PIP5K1B: variants seen among roughly 807,000 people sequenced by gnomAD.
The protein encoded by PIP5K1B is phosphatidylinositol-4-phosphate 5-kinase type 1 beta.
Under a neutral mutation model 67.0 loss-of-function variants are expected in PIP5K1B, and 42 were observed. The observed-to-expected ratio is 0.63, with a 90% CI of 0.49 to 0.81. The LOEUF (loss-of-function observed/expected upper bound fraction) is 0.81. Among genes scored for constraint, PIP5K1B ranks in the 30% least tolerant of loss-of-function variants. The pLI, the probability that PIP5K1B is intolerant of heterozygous loss-of-function variation, is 0.00. For synonymous variants in PIP5K1B, 214 were observed against 231.4 expected, an observed-to-expected ratio of 0.92 and a Z score of 0.68; for missense variants, 459 against 646.3, an observed-to-expected ratio of 0.71 and a Z score of 3.14.
intron 15 of PIP5K1B, among the ~76,000 whole-genome samples, chr9:68,994,587 A>G (rs1265946636): frequency 6.6e-6 from 1 of 152,154 alleles, no homozygotes; most frequent in African/African-American, 2.4e-5. Context: ...TCCATCGTAC[A>G]TCCATGAAAG....
chr9:68,953,125 T>C (rs529716960), intron 14 of PIP5K1B, among the ~76,000 whole-genome samples: 1 of 152,270 alleles, frequency 6.6e-6, no homozygotes, highest in South Asian at 2.1e-4. Context: ...CCTGGATTTG[T>C]CTTCCAATTT....
rs536755366 is a variant in PIP5K1B at position 68,808,198 on chromosome 9, AAAAAC to A, written c.-85-10248_-85-10244del. ...GGGTGACAGAGCAAGATTCTGTCTC[AAAAAC>A]AAAACAAAACAAAAGGGGAAGAAAA... On this transcript the variant is annotated intron_variant, in intron 2 of 15. Transcript: ENST00000265382. 4.6e-5 allele frequency among the ~76,000 whole-genome samples: 7 copies of A among 152,328 alleles called. No homozygotes were observed. The East Asian group carries it at 7.7e-4, about 17-fold the overall frequency.
At chr9:68,901,706 G>A (rs142104302) in intron 8 of PIP5K1B, among the ~76,000 whole-genome samples, 6 of 152,168 alleles carry the variant, frequency 3.9e-5, no homozygotes, top group Non-Finnish European at 8.8e-5. Context: ...GTTAAAGTTG[G>A]TGAACAAATA....
At chr9:68,731,677 A>G (rs933346078) in intron 1 of PIP5K1B, among the ~76,000 whole-genome samples, 5 of 152,168 alleles carry the variant, frequency 3.3e-5, no homozygotes, top group African/African-American at 1.2e-4. Context: ...AAAGGTGGTA[A>G]AAGTACTGAA....
chr9:68,733,627 CTTTTTTTTTTTTTT>C lies in PIP5K1B; in HGVS notation c.-242-8857_-242-8844del, dbSNP rs35759487. Among the ~76,000 whole-genome samples, 13 of 56,468 alleles carry C rather than the reference CTTTTTTTTTTTTTT, an allele frequency of 2.3e-4. 1 individual carries two copies. Among genetic ancestry groups the C allele is most frequent in the South Asian group, 8.7e-4 (1 of 1,154 alleles). The allele number at this position is 56,468 out of a possible 152,430, so 37.0% of individuals were successfully genotyped here. On this transcript the variant is annotated intron_variant, in intron 1 of 15. Coordinates refer to ENST00000265382, the MANE Select transcript of PIP5K1B (RefSeq NM_003558.4). ...CCCCACTTATTGAAATACTTAGACT[CTTTTTTTTTTTTTT>C]TTTTTTTTTTTTTTTTGAGATGGAG...
chr9:68,818,855 A>G (rs1468556993), intron 3 of PIP5K1B, among the ~76,000 whole-genome samples: 1 of 152,198 alleles, frequency 6.6e-6, no homozygotes, highest in African/African-American at 2.4e-5. Context: ...GAATACTTGG[A>G]GAATCTAACA....
Position 68,887,051 on chromosome 9 carries a change from T to G in PIP5K1B, c.319-1930T>G, listed in dbSNP as rs1824514120. ...GATAGCCATGTGGCTTGCTGCCTGGTCTCAACCTCTGCTCCAATGTCACCT... is the reference window on the plus strand; with the variant it reads ...GATAGCCATGTGGCTTGCTGCCTGGGCTCAACCTCTGCTCCAATGTCACCT... On this transcript the variant is annotated intron_variant, in intron 6 of 15. Transcript: ENST00000265382. 1.3e-5 allele frequency among the ~76,000 whole-genome samples: 2 copies of G among 152,320 alleles called. 1 individual carries two copies. Among genetic ancestry groups the G allele is most frequent in the South Asian group, 4.1e-4 (2 of 4,822 alleles).
At chr9:68,996,259 A>G (rs1291731405) in intron 15 of PIP5K1B, among the ~76,000 whole-genome samples, 1 of 152,206 alleles carries the variant, frequency 6.6e-6, no homozygotes. Context: ...ATGAAATTAA[A>G]AAGGATTGGT....
At chr9:68,718,096 A>G (rs1564085455) in intron 1 of PIP5K1B, among the ~76,000 whole-genome samples, 2 of 152,232 alleles carry the variant, frequency 1.3e-5, no homozygotes, top group African/African-American at 4.8e-5. Flanking sequence ...AGGACTCCAC[A>G]TATAGTGCTC....
chr9:68,776,449 G>A (rs1830920970), intron 2 of PIP5K1B, among the ~76,000 whole-genome samples: 1 of 151,848 alleles, frequency 6.6e-6, no homozygotes, highest in Admixed American at 6.6e-5. Flanking sequence ...CCCAATTCTA[G>A]ATATTGTTAT....
chr9:68,725,376 T>G (rs569132015), intron 1 of PIP5K1B, among the ~76,000 whole-genome samples: 179 of 152,354 alleles, frequency 1.2e-3, no homozygotes, highest in African/African-American at 4.1e-3. Context: ...ATCTAGCCAC[T>G]GGCTCCTGAC....
At chr9:68,973,176 A>G (rs186589419) in intron 14 of PIP5K1B, among the ~76,000 whole-genome samples, 1 of 152,338 alleles carries the variant, frequency 6.6e-6, no homozygotes, top group East Asian at 1.9e-4. Context: ...GCAACAGCTC[A>G]GACGTAATAC....
At chr9:68,926,924 T>C (rs993176959) in intron 12 of PIP5K1B, among the ~76,000 whole-genome samples, 2 of 152,076 alleles carry the variant, frequency 1.3e-5, no homozygotes, top group East Asian at 3.9e-4. Flanking sequence ...CCATACCCAT[T>C]AGCAGTCACT....
At chr9:68,884,786 T>C (rs1012264702) in intron 6 of PIP5K1B, among the ~76,000 whole-genome samples, 28 of 152,164 alleles carry the variant, frequency 1.8e-4, no homozygotes, top group African/African-American at 6.8e-4. Flanking sequence ...GAATGGCTGT[T>C]ATCAAAAAAG....
At chr9:68,817,154 G>A (rs1385238587) in intron 2 of PIP5K1B, among the ~76,000 whole-genome samples, 1 of 152,188 alleles carries the variant, frequency 6.6e-6, no homozygotes, top group African/African-American at 2.4e-5. Context: ...AATCAGCCCC[G>A]TTAGTAGTGA....
chr9:68,950,055 TA>T (rs1429236173), intron 14 of PIP5K1B, among the ~76,000 whole-genome samples: 1 of 152,242 alleles, frequency 6.6e-6, no homozygotes, highest in Non-Finnish European at 1.5e-5. Flanking sequence ...AAACTTCATT[TA>T]ACAAAGGTAT....
chr9:68,975,058 T>G (rs2132852229), intron 14 of PIP5K1B, among the ~76,000 whole-genome samples: 2 of 152,342 alleles, frequency 1.3e-5, no homozygotes, highest in East Asian at 3.9e-4. Context: ...CTTTTTGTTC[T>G]GGGTTTTTGT....
At chr9:68,831,512 CAGGATCTGT>C (rs1488748087) in intron 4 of PIP5K1B, among the ~76,000 whole-genome samples, 1 of 152,160 alleles carries the variant, frequency 6.6e-6, no homozygotes, top group Non-Finnish European at 1.5e-5. Context: ...TGCCTTTCTT[CAGGATCTGT>C]AAGACCCTAC....
At chr9:68,876,554 C>A in intron 5 of PIP5K1B, 123 bp from the exon 6 acceptor site, 1 of 648,914 alleles carries the variant, frequency 1.5e-6, no homozygotes, top group Non-Finnish European at 2.7e-6. Flanking sequence ...GAAACCCGCT[C>A]TCAGGGGATG....
Sources: gnomAD v4.1 joint callset for allele counts (sites outside exome capture counted in the v4.1 genomes callset) on GRCh38, gnomAD v4.1.1 for gene constraint, MANE v1.5 for transcripts, NCBI Gene and HGNC (gene_info 2026-07-23, HGNC 2026-07-21) for gene names.